CNTN5: variants seen among roughly 807,000 people sequenced by gnomAD.
The protein encoded by CNTN5 is contactin 5.
In CNTN5, 77 loss-of-function variants were observed where a neutral mutation model predicts 129.1. That is an observed-to-expected ratio of 0.60 (90% CI 0.50 to 0.72). The LOEUF (loss-of-function observed/expected upper bound fraction) is 0.72, where lower values mean the gene tolerates loss of function less well. CNTN5 is among the 30% of genes least tolerant of loss of function. The pLI is 0.00. For missense variants in CNTN5, 1,478 were observed against 1,328.8 expected, an observed-to-expected ratio of 1.11 and a Z score of -1.75; for synonymous variants, 509 against 465.6, an observed-to-expected ratio of 1.09 and a Z score of -1.20.
At chr11:99,567,708 G>A (rs1043906033) in intron 3 of CNTN5, among the ~76,000 whole-genome samples, 1 of 152,140 alleles carries the variant, frequency 6.6e-6, no homozygotes, top group Admixed American at 6.6e-5. Flanking sequence ...TTAAAATTAT[G>A]TATTTGCACA....
At chr11:100,183,582 G>A (rs1410594707) in intron 13 of CNTN5, among the ~76,000 whole-genome samples, 4 of 152,096 alleles carry the variant, frequency 2.6e-5, no homozygotes, top group African/African-American at 4.8e-5. Context: ...TTATCGTGAT[G>A]GGAAACAGAT....
chr11:99,143,382 A>C (rs1330915243), intron 1 of CNTN5, among the ~76,000 whole-genome samples: 2 of 148,744 alleles, frequency 1.3e-5, no homozygotes, highest in Non-Finnish European at 3.0e-5. Flanking sequence ...TTACATATAT[A>C]AAATATACTG....
chr11:99,995,199 A>G (rs567579303), intron 8 of CNTN5, among the ~76,000 whole-genome samples: 8 of 152,262 alleles, frequency 5.3e-5, no homozygotes, highest in Admixed American at 2.0e-4. Context: ...TGATTAGAAA[A>G]ATGAAACCCA....
intron 1 of CNTN5, among the ~76,000 whole-genome samples, chr11:99,323,297 T>C (rs1470029992): frequency 6.6e-6 from 1 of 152,132 alleles, no homozygotes; most frequent in Non-Finnish European, 1.5e-5. Context: ...TGAAGTAGTC[T>C]CGTCATCACA....
At chr11:99,891,300 T>C (rs961025834) in intron 6 of CNTN5, among the ~76,000 whole-genome samples, 4 of 151,972 alleles carry the variant, frequency 2.6e-5, no homozygotes, top group Non-Finnish European at 5.9e-5. Flanking sequence ...GAAAAGTTTA[T>C]TTTTTATTAT....
chr11:99,502,923 A>G (rs1209201061), intron 2 of CNTN5, among the ~76,000 whole-genome samples: 1 of 152,174 alleles, frequency 6.6e-6, no homozygotes, highest in Non-Finnish European at 1.5e-5. Context: ...AGTAAATGAC[A>G]TCATATTTCA....
intron 2 of CNTN5, among the ~76,000 whole-genome samples, chr11:99,354,898 A>G (rs1354795621): frequency 6.6e-6 from 1 of 152,190 alleles, no homozygotes; most frequent in African/African-American, 2.4e-5. Flanking sequence ...CACAATCTAC[A>G]GTTTCTGGCG....
chr11:99,567,781 T>G (rs578137606), intron 3 of CNTN5, among the ~76,000 whole-genome samples: 8 of 152,292 alleles, frequency 5.3e-5, no homozygotes, highest in African/African-American at 1.9e-4. Context: ...GAAACCCAAG[T>G]TGACTTTTAT....
At chr11:100,186,201 A>C (rs917543780) in intron 13 of CNTN5, among the ~76,000 whole-genome samples, 2 of 151,936 alleles carry the variant, frequency 1.3e-5, no homozygotes, top group African/African-American at 4.8e-5. Context: ...TCTACAAATA[A>C]ATAAGTAACT....
At chr11:99,996,362 C>G (rs1222900783) in intron 8 of CNTN5, among the ~76,000 whole-genome samples, 4 of 152,130 alleles carry the variant, frequency 2.6e-5, no homozygotes, top group Non-Finnish European at 5.9e-5. Context: ...CACTGTAGCT[C>G]CAAAACAGAT....
chr11:99,792,158 G>T (rs1216095073), intron 3 of CNTN5, among the ~76,000 whole-genome samples: 2 of 151,978 alleles, frequency 1.3e-5, no homozygotes, highest in African/African-American at 2.4e-5. Context: ...GGTGAAAATG[G>T]TCACTCTTTC....
intron 7 of CNTN5, among the ~76,000 whole-genome samples, chr11:99,927,030 CAATT>C (rs1950078057): frequency 6.6e-6 from 1 of 152,098 alleles, no homozygotes; most frequent in African/African-American, 2.4e-5. Flanking sequence ...TAAAAGTAAT[CAATT>C]AGTCATTATT....
At chr11:99,428,697 T>C (rs1943242953) in intron 2 of CNTN5, among the ~76,000 whole-genome samples, 1 of 152,046 alleles carries the variant, frequency 6.6e-6, no homozygotes, top group South Asian at 2.1e-4. Context: ...TATATGTTTA[T>C]GTATAAGCAT....
At chr11:100,314,644 A>C (rs879377916) in intron 21 of CNTN5, among the ~76,000 whole-genome samples, 16 of 152,096 alleles carry the variant, frequency 1.1e-4, no homozygotes, top group Non-Finnish European at 1.9e-4. Context: ...TTTCTTCTCT[A>C]CTAATTGAGG....
At chr11:99,836,903 C>T (rs967829648) in intron 4 of CNTN5, among the ~76,000 whole-genome samples, 1 of 152,080 alleles carries the variant, frequency 6.6e-6, no homozygotes, top group Admixed American at 6.6e-5. Flanking sequence ...AGGGTAAATT[C>T]CTGACTTTGC....
At chr11:100,300,686 G>C (rs193088580) in intron 20 of CNTN5, among the ~76,000 whole-genome samples, 1 of 151,634 alleles carries the variant, frequency 6.6e-6, no homozygotes, top group Admixed American at 6.6e-5. Context: ...TTATAATATA[G>C]AGCCAAATTT....
intron 3 of CNTN5, among the ~76,000 whole-genome samples, chr11:99,736,197 G>T (rs955456187): frequency 3.5e-4 from 53 of 152,210 alleles, no homozygotes; most frequent in Non-Finnish European, 7.3e-5. Context: ...CAACAAAGTT[G>T]CAGGGCTAGA....
chr11:99,690,604 C>T (rs1165568916), intron 3 of CNTN5, among the ~76,000 whole-genome samples: 1 of 152,136 alleles, frequency 6.6e-6, no homozygotes, highest in Non-Finnish European at 1.5e-5. Flanking sequence ...TATCTATGAT[C>T]ATGGAATGTT....
intron 1 of CNTN5, among the ~76,000 whole-genome samples, chr11:99,244,690 T>A (rs1861730544): frequency 6.6e-6 from 1 of 152,184 alleles, no homozygotes; most frequent in Admixed American, 6.5e-5. Flanking sequence ...TGCTACTGAG[T>A]CCTACTACAT....
Sources: gnomAD v4.1 joint callset for allele counts (sites outside exome capture counted in the v4.1 genomes callset) on GRCh38, gnomAD v4.1.1 for gene constraint, MANE v1.5 for transcripts, NCBI Gene and HGNC (gene_info 2026-07-23, HGNC 2026-07-21) for gene names.